SNX10: variants seen among roughly 807,000 people sequenced by gnomAD.
SNX10 encodes the protein sorting nexin 10, also known as sorting nexin-10.
Under a neutral mutation model 28.5 loss-of-function variants are expected in SNX10, and 25 were observed. The ratio of observed to expected loss-of-function variants is 0.88; its 90% CI spans 0.64 to 1.22. SNX10 has a LOEUF of 1.22. SNX10 is among the 50% of genes most tolerant of loss of function. The pLI is 0.00. For synonymous variants in SNX10, 62 were observed against 81.4 expected (o/e 0.76, Z 1.28); for missense variants, 223 against 242.6 (o/e 0.92, Z 0.54).
At chr7:26,299,669 C>G (rs1210713658) in intron 1 of SNX10, among the ~76,000 whole-genome samples, 3 of 151,978 alleles carry the variant, frequency 2.0e-5, no homozygotes, top group African/African-American at 7.3e-5. Context: ...CGTGATCTGC[C>G]CGCCTTGGCC....
intron 1 of SNX10, among the ~76,000 whole-genome samples, chr7:26,342,154 G>A (rs993730176): frequency 1.3e-5 from 2 of 151,534 alleles, no homozygotes; most frequent in South Asian, 4.1e-4. Context: ...AGCCTCCCAA[G>A]TAGCTGGGAT....
At chr7:26,298,386 T>C (rs1034465109) in intron 1 of SNX10, among the ~76,000 whole-genome samples, 11 of 152,196 alleles carry the variant, frequency 7.2e-5, no homozygotes, top group Non-Finnish European at 1.2e-4. Flanking sequence ...TTATTAATAA[T>C]CAGATAAGTG....
intron 2 of SNX10, among the ~76,000 whole-genome samples, chr7:26,349,740 C>T (rs570469853): frequency 3.9e-5 from 6 of 152,314 alleles, no homozygotes; most frequent in Non-Finnish European, 5.9e-5. Context: ...TGACAGGAAG[C>T]GCATTTCAGA....
chr7:26,353,003 AC>A (rs1788667747), intron 2 of SNX10, among the ~76,000 whole-genome samples: 1 of 151,532 alleles, frequency 6.6e-6, no homozygotes, highest in African/African-American at 2.4e-5. Flanking sequence ...TTTTTTCTGC[AC>A]TTTTCCTGAT....
At chr7:26,292,580 A>C (rs185367241) in intron 1 of SNX10, among the ~76,000 whole-genome samples, 1 of 152,158 alleles carries the variant, frequency 6.6e-6, no homozygotes, top group Non-Finnish European at 1.5e-5. Flanking sequence ...GAAAATCCAT[A>C]TAATTGACTG....
intron 1 of SNX10, among the ~76,000 whole-genome samples, chr7:26,334,454 G>A (rs939144227): frequency 1.3e-5 from 2 of 152,316 alleles, no homozygotes; most frequent in Admixed American, 1.3e-4. Flanking sequence ...GAGTACAAAG[G>A]GAGGTGGAGG....
intron 1 of SNX10, among the ~76,000 whole-genome samples, chr7:26,343,093 C>T (rs1428551303): frequency 6.6e-6 from 1 of 152,162 alleles, no homozygotes; most frequent in Non-Finnish European, 1.5e-5. Flanking sequence ...TGTGAGCCCC[C>T]GGGGCCAGTT....
intron 1 of SNX10, among the ~76,000 whole-genome samples, chr7:26,323,179 G>A (rs1787370753): frequency 6.6e-6 from 1 of 152,148 alleles, no homozygotes. Context: ...GAGCCTGGGA[G>A]GTGGAGGTTG....
In SNX10 at chr7:26,372,648, C is replaced by A. The variant is rs185145186; in HGVS notation, c.*76C>A. The A allele has an allele frequency of 8.9e-5, 77 of 866,160 alleles. No homozygotes were observed. In the East Asian group the frequency reaches 1.1e-3, roughly 12 times the overall value. 53.7% of individuals were successfully genotyped at this position (866,160 alleles called of 1,614,324 possible). A position where few individuals can be genotyped will look rare whatever the true frequency, so the allele number is the denominator to read the frequency against. On this transcript the variant is annotated 3_prime_UTR_variant, in exon 7 of 7. Transcript: ENST00000338523. ...TAGAGAAGAAAGCTTCATAATAATA[C>A]ATTCTTACCTAAAGCTCACTGTCAT...
rs970904291 is a variant in SNX10, at chr7:26,355,573, A to T, written c.25-5402A>T. On this transcript the variant is annotated intron_variant, in intron 2 of 6. Coordinates refer to ENST00000338523, the MANE Select transcript of SNX10 (RefSeq NM_013322.3). ...GTTAATTCTGAAACATTTAATATGC[A>T]CTTACTATGTGCTAGTACCATGCTT... Among the ~76,000 whole-genome samples the T allele has an allele frequency of 5.9e-5, 9 of 152,226 alleles. No individual in the cohort carries two copies. The South Asian group carries it at 1.0e-3, about 18-fold the overall frequency.
intron 1 of SNX10, among the ~76,000 whole-genome samples, chr7:26,323,414 C>T (rs966518868): frequency 3.3e-5 from 5 of 151,980 alleles, no homozygotes; most frequent in African/African-American, 1.2e-4. Context: ...AAGAAGAGGG[C>T]ATAGTAGATG....
chr7:26,320,432 A>G (rs905243465), intron 1 of SNX10, among the ~76,000 whole-genome samples: 10 of 150,922 alleles, frequency 6.6e-5, no homozygotes, highest in Non-Finnish European at 1.5e-4. Flanking sequence ...AATTTATTTT[A>G]TTTTATTTTT....
At chr7:26,355,066 G>A (rs1788765968) in intron 2 of SNX10, among the ~76,000 whole-genome samples, 1 of 152,140 alleles carries the variant, frequency 6.6e-6, no homozygotes, top group African/African-American at 2.4e-5. Context: ...ATGTCCAGTT[G>A]TTCCATAATC....
At chr7:26,359,418 C>T (rs369873203) in intron 2 of SNX10, among the ~76,000 whole-genome samples, 2 of 152,122 alleles carry the variant, frequency 1.3e-5, no homozygotes, top group African/African-American at 4.8e-5. Context: ...TGCTCTCAAG[C>T]GTTCATAGCC....
At chr7:26,329,901 G>A (rs1268371719) in intron 1 of SNX10, among the ~76,000 whole-genome samples, 1 of 152,168 alleles carries the variant, frequency 6.6e-6, no homozygotes, top group Non-Finnish European at 1.5e-5. Context: ...ACAGGGAGCT[G>A]AGGGTGCAGA....
intron 1 of SNX10, among the ~76,000 whole-genome samples, chr7:26,294,578 T>C (rs756050682): frequency 3.3e-5 from 5 of 152,350 alleles, no homozygotes; most frequent in East Asian, 1.9e-4. Context: ...AACAGACTTA[T>C]GAAGCAGATT....
chr7:26,353,333 T>C (rs1340310044), intron 2 of SNX10, among the ~76,000 whole-genome samples: 1 of 152,186 alleles, frequency 6.6e-6, no homozygotes, highest in Non-Finnish European at 1.5e-5. Flanking sequence ...TTCTATTTTG[T>C]TATTTGTAAA....
chr7:26,330,888 G>A (rs748420802), intron 1 of SNX10, among the ~76,000 whole-genome samples: 1 of 152,016 alleles, frequency 6.6e-6, no homozygotes, highest in Non-Finnish European at 1.5e-5. Flanking sequence ...GGTGGCTCAC[G>A]CCTATAATCC....
Position 26,373,447 on chromosome 7 carries a change from T to C in SNX10, c.*875T>C, listed in dbSNP as rs759104082. On this transcript the variant is annotated 3_prime_UTR_variant, in exon 7 of 7. Transcript: ENST00000338523. The surrounding 1 kb of genome is among the most constrained non-coding windows in gnomAD (Gnocchi z 4.2). ...AATCAGAGGAAGGATTTTATAAAGA[T>C]TAATAAATTTAATTTTACCAATAAA... 1.3e-5 allele frequency: 2 copies of C among 152,052 alleles called. No individual in the cohort carries two copies. Among genetic ancestry groups the C allele is most frequent in the Non-Finnish European group, 1.5e-5 (1 of 67,914 alleles). 9.4% of individuals were successfully genotyped at this position (152,052 alleles called of 1,614,324 possible). A position where few individuals can be genotyped will look rare whatever the true frequency, so the allele number is the denominator to read the frequency against.
Sources: allele counts gnomAD v4.1 joint callset (sites outside exome capture counted in the v4.1 genomes callset), GRCh38; gene constraint gnomAD v4.1.1; non-coding constraint Gnocchi (gnomAD v3.1); transcripts MANE v1.5; gene names NCBI Gene and HGNC (gene_info 2026-07-23, HGNC 2026-07-21).